The following CD99L2 variants were observed in gnomAD, a reference collection of about 807,000 sequenced individuals.
CD99L2 encodes CD99 molecule like 2.
In CD99L2, 24 loss-of-function variants were observed where a neutral mutation model predicts 27.3. The observed-to-expected ratio is 0.88, with a 90% confidence interval of 0.64 to 1.24. The LOEUF (loss-of-function observed/expected upper bound fraction) is 1.24, where lower values mean the gene tolerates loss of function less well. Ranked by LOEUF, CD99L2 falls within the 50% of genes most tolerant of loss-of-function variation. The probability of loss-of-function intolerance (pLI) is 0.00; values close to 1 mark genes in which losing one functional copy is unlikely to be tolerated. For missense variants in CD99L2, 255 were observed against 221.6 expected (o/e 1.15, Z -0.96); for synonymous variants, 97 against 87.9 (o/e 1.10, Z -0.58).
At chrX:150,781,970 G>A (rs1557419442) in intron 7 of CD99L2, among the ~76,000 whole-genome samples, 1 of 112,081 alleles carries the variant, frequency 8.9e-6, no homozygotes, top group East Asian at 2.8e-4. Flanking sequence ...ACATCTGGGG[G>A]AGGCGGGGAT....
chrX:150,838,111 C>T (rs1557421259), intron 1 of CD99L2, among the ~76,000 whole-genome samples: 3 of 112,156 alleles, frequency 2.7e-5, no homozygotes. Flanking sequence ...TTCAAAACCC[C>T]GTAACTCCAG....
chrX:150,887,802 A>C (rs1176587743), intron 1 of CD99L2, among the ~76,000 whole-genome samples: 2 of 112,185 alleles, frequency 1.8e-5, no homozygotes, highest in African/African-American at 3.2e-5. Flanking sequence ...AGGAAGGAAC[A>C]GAAAATGAAG....
intron 1 of CD99L2, among the ~76,000 whole-genome samples, chrX:150,872,056 C>T (rs782098357): frequency 1.7e-4 from 19 of 110,584 alleles, no homozygotes; most frequent in Non-Finnish European, 3.2e-4. Context: ...TGTAGGGAGA[C>T]CCTGTCTCTA....
Position 150,853,022 on chromosome X carries a change from T to A in CD99L2, c.68-21729A>T, listed in dbSNP as rs181802459. On this transcript the variant is annotated intron_variant, in intron 1 of 10. Transcript: ENST00000370377. ...GCAATCACCACGGAAGTTTCTGAAA[T>A]CCATTCATGCTGCACGATCCTGCTG... is the stretch of plus-strand genomic sequence containing the variant. 4.0e-3 allele frequency among the ~76,000 whole-genome samples: 441 copies of A among 111,219 alleles called. 4 individuals carry two copies. The highest frequency in any genetic ancestry group is 0.013 in the African/African-American group (404 of 30,536).
intron 1 of CD99L2, among the ~76,000 whole-genome samples, chrX:150,861,915 A>AG (rs1455922019): frequency 3.1e-5 from 3 of 95,336 alleles, no homozygotes; most frequent in Non-Finnish European, 6.4e-5. Context: ...CAAAAAAAAA[A>AG]AAAGAGAGAG....
At chrX:150,886,100 A>T (rs2047404845) in intron 1 of CD99L2, among the ~76,000 whole-genome samples, 1 of 112,205 alleles carries the variant, frequency 8.9e-6, no homozygotes. Context: ...AGAAAAAAAT[A>T]GAACTGTCTG....
intron 1 of CD99L2, among the ~76,000 whole-genome samples, chrX:150,873,731 A>C (rs1198030256): frequency 2.7e-5 from 3 of 111,262 alleles, no homozygotes; most frequent in Non-Finnish European, 5.7e-5. Flanking sequence ...AAGGGAGAAG[A>C]GGAATGAGAA....
chrX:150,792,304 C>G (rs782045512), intron 7 of CD99L2, among the ~76,000 whole-genome samples: 14 of 112,415 alleles, frequency 1.2e-4, no homozygotes, highest in Non-Finnish European at 2.1e-4. Context: ...GCCATTCAGA[C>G]TTTCATTCAT....
chrX:150,893,286 C>A (rs1439416536), intron 1 of CD99L2, among the ~76,000 whole-genome samples: 1 of 111,077 alleles, frequency 9.0e-6, no homozygotes, highest in East Asian at 2.9e-4. Context: ...AAGGGCAACC[C>A]TGGAGCCATC....
intron 1 of CD99L2, among the ~76,000 whole-genome samples, chrX:150,836,744 T>C (rs1557421211): frequency 8.9e-6 from 1 of 112,004 alleles, no homozygotes; most frequent in Admixed American, 9.5e-5. Flanking sequence ...TACACAAATC[T>C]AGATGGTGTA....
chrX:150,802,676 G>A lies in CD99L2; in HGVS notation c.278-7190C>T, dbSNP rs1388793498. Reference sequence around the variant, plus strand: ...GGCTCACTGCAAGCTCTGCCTCCCAGGTTCACGCCATTCTCCTGCCTCAGC... The same window carrying A: ...GGCTCACTGCAAGCTCTGCCTCCCAAGTTCACGCCATTCTCCTGCCTCAGC... On this transcript the variant is annotated intron_variant, in intron 4 of 10. Transcript: ENST00000370377. Among the ~76,000 whole-genome samples the A allele has an allele frequency of 9.8e-4, 99 of 101,272 alleles. 1 individual carries two copies. The highest frequency in any genetic ancestry group is 1.6e-3 in the Non-Finnish European group (78 of 49,778). 87.9% of individuals were successfully genotyped at this position (101,272 alleles called of 115,157 possible). A position where few individuals can be genotyped will look rare whatever the true frequency, so the allele number is the denominator to read the frequency against.
intron 7 of CD99L2, among the ~76,000 whole-genome samples, chrX:150,779,083 G>C (rs1475505333): frequency 8.9e-6 from 1 of 112,021 alleles, no homozygotes; most frequent in Non-Finnish European, 1.9e-5. Context: ...GAAGGAAACT[G>C]AGTGTTCTCA....
chrX:150,810,267 A>G lies in CD99L2; in HGVS notation c.277+4595T>C, dbSNP rs1225879915. On this transcript the variant is annotated intron_variant, in intron 4 of 10. Transcript: ENST00000370377. ...AAAAGCAAAGAAAGTGTGCTCTCCA[A>G]TCATAATTGGAAATCAATGACAGAA... is the stretch of plus-strand genomic sequence containing the variant. 2.7e-5 allele frequency among the ~76,000 whole-genome samples: 3 copies of G among 112,325 alleles called. No individual in the cohort carries two copies. In the East Asian group the frequency reaches 8.3e-4, roughly 31 times the overall value.
At chrX:150,894,336 T>C (rs2047569846) in intron 1 of CD99L2, among the ~76,000 whole-genome samples, 2 of 112,082 alleles carry the variant, frequency 1.8e-5, no homozygotes, top group Admixed American at 9.5e-5. Context: ...TATACGTTTC[T>C]ACTCATTTAA....
chrX:150,768,893 A>G lies in CD99L2; in HGVS notation c.*141T>C. The G allele has an allele frequency of 9.5e-7, 1 of 1,057,026 alleles. No homozygotes were observed. Among genetic ancestry groups the G allele is most frequent in the Non-Finnish European group, 1.2e-6 (1 of 828,362 alleles). The allele number at this position is 1,057,026 out of a possible 1,213,427, so 87.1% of individuals were successfully genotyped here. ...AGAGAAACCAAACTCACAAACACCC[A>G]GAGCTCATCCGGGAAACTCAGACCA... On this transcript the variant is annotated 3_prime_UTR_variant, in exon 11 of 11. Transcript: ENST00000370377.
At chrX:150,789,782 G>A (rs1158884019) in intron 7 of CD99L2, among the ~76,000 whole-genome samples, 4 of 111,910 alleles carry the variant, frequency 3.6e-5, no homozygotes, top group Non-Finnish European at 7.5e-5. Flanking sequence ...ATACTCAGGA[G>A]GCTGAGGTGG....
At chrX:150,798,642 A>C (rs1366714234) in intron 4 of CD99L2, among the ~76,000 whole-genome samples, 1 of 111,166 alleles carries the variant, frequency 9.0e-6, no homozygotes, top group Non-Finnish European at 1.9e-5. Context: ...AATATTATGA[A>C]AAAGTTTCAT....
At chrX:150,894,412 G>A (rs1557422989) in intron 1 of CD99L2, among the ~76,000 whole-genome samples, 3 of 111,961 alleles carry the variant, frequency 2.7e-5, no homozygotes, top group African/African-American at 9.7e-5. Flanking sequence ...GGAAACCGTA[G>A]CACCGAGCAG....
intron 1 of CD99L2, among the ~76,000 whole-genome samples, chrX:150,875,145 G>A (rs1356687489): frequency 8.9e-6 from 1 of 112,032 alleles, no homozygotes; most frequent in Non-Finnish European, 1.9e-5. Context: ...TGAGTGACAT[G>A]TAATTCCTAA....
Sources: allele counts gnomAD v4.1 joint callset (sites outside exome capture counted in the v4.1 genomes callset), GRCh38; gene constraint gnomAD v4.1.1; transcripts MANE v1.5; gene names NCBI Gene and HGNC (gene_info 2026-07-23, HGNC 2026-07-21).